The following EMILIN1 variants were observed in gnomAD, a reference collection of about 807,000 sequenced individuals.
EMILIN1 encodes the protein EMILIN-1.
A neutral mutation model predicts 82.4 loss-of-function variants in EMILIN1; 49 were observed. That is an observed-to-expected ratio of 0.59 (90% CI 0.47 to 0.75). The LOEUF (loss-of-function observed/expected upper bound fraction) is 0.75, where lower values mean the gene tolerates loss of function less well. Among genes scored for constraint, EMILIN1 ranks in the 30% least tolerant of loss-of-function variants. EMILIN1 has a pLI of 0.00. For missense variants in EMILIN1, 1,313 were observed against 1,366.4 expected, an observed-to-expected ratio of 0.96 and a Z score of 0.62; for synonymous variants, 604 against 602.2, an observed-to-expected ratio of 1.00 and a Z score of -0.04.
At position 27,080,941 on chromosome 2, in the gene EMILIN1, TG is replaced by T; in HGVS notation, c.506del (p.Gly169GlufsTer20). 2 of 1,588,828 alleles carry T rather than the reference TG, an allele frequency of 1.3e-6. No homozygotes were observed. The highest frequency in any genetic ancestry group is 1.8e-5 in the Admixed American group (1 of 56,378). On this transcript the variant is annotated frameshift_variant, in exon 3 of 8. Transcript: ENST00000380320. LOFTEE classifies it high-confidence loss of function. ...GSSAGSPLSGLGGEGPGESEK... is the reference protein window; with the variant it reads ...GSSAGSPLSGXGGEGPGESEK... ...AGTGCAGGCAGCCCCCTCAGTGGAC[TG>T]GGGGGAGAAGGTGAGTGTGGGAGCT...
chr2:27,078,801 A>C lies in EMILIN1; in HGVS notation c.-265A>C, dbSNP rs1302253676. ...CCAGGCGCGGGAGGCCAGAGGGGGC[A>C]CAGAGAACAAACCCCCTCAGAAGTG... On this transcript the variant is annotated 5_prime_UTR_variant, in exon 1 of 8. Transcript: ENST00000380320. 2.5e-6 allele frequency: 1 copy of C among 398,752 alleles called. No homozygotes were observed. Among genetic ancestry groups the C allele is most frequent in the Non-Finnish European group, 4.5e-6 (1 of 223,848 alleles). 24.7% of individuals were successfully genotyped at this position (398,752 alleles called of 1,614,324 possible). A position where few individuals can be genotyped will look rare whatever the true frequency, so the allele number is the denominator to read the frequency against.
At position 27,083,230 on chromosome 2, in the gene EMILIN1, T is replaced by G. The variant is rs1165302472; in HGVS notation, c.1659T>G (p.Ala553=). The G allele has an allele frequency of 1.2e-6, 2 of 1,611,924 alleles. No homozygotes were observed. Among genetic ancestry groups the G allele is most frequent in the Admixed American group, 3.3e-5 (2 of 59,944 alleles). Residue 553 remains alanine, a synonymous_variant, in exon 4 of 8, where the codon GCT becomes GCG. Transcript: ENST00000380320. ...GTGTGGATGCCCAGGATGAGACAGCTGCAGAGTTCACACTACGGCTGAATC... is the reference window on the plus strand; with the variant it reads ...GTGTGGATGCCCAGGATGAGACAGCGGCAGAGTTCACACTACGGCTGAATC... ...QDRVDAQDET[A]AEFTLRLNLT... is the part of the protein sequence containing the mutation.
rs1489307913 is a variant in EMILIN1 at position 27,082,787 on chromosome 2, C to T, written c.1216C>T (p.Arg406Cys). 8 of 1,544,246 alleles carry T rather than the reference C, an allele frequency of 5.2e-6. No individual in the cohort carries two copies. The highest frequency in any genetic ancestry group is 1.4e-5 in the African/African-American group (1 of 73,738). Residue 406 changes from arginine to cysteine, a missense_variant, in exon 4 of 8, where the codon CGC becomes TGC. Transcript: ENST00000380320. ...HPPGYTSLAS[R>C]LSRLEDRFNS... ...CCCAGGCTACACCAGCTTGGCCTCC[C>T]GCCTGTCTCGCCTGGAGGACCGCTT...
chr2:27,085,400 C>T lies in EMILIN1; in HGVS notation c.2713+103C>T, dbSNP rs1458016337. On this transcript the variant is annotated intron_variant, in intron 7 of 7. Transcript: ENST00000380320. ...TTCCGACAGTGTGAATCTTCATTCT[C>T]TGATTTGGGGAGACCCCGGCTCTTT... The T allele has an allele frequency of 6.3e-6, 9 of 1,438,826 alleles. No homozygotes were observed. The Admixed American group carries it at 1.6e-4, about 25-fold the overall frequency. The allele number at this position is 1,438,826 out of a possible 1,614,324, so 89.1% of individuals were successfully genotyped here. A position where few individuals can be genotyped will look rare whatever the true frequency, so the allele number is the denominator to read the frequency against.
In EMILIN1 at chr2:27,086,351, A is replaced by G. The variant is rs998606926; in HGVS notation, c.*336A>G. ...AGGCTCCCCCGCGCGGGCGCCGCCC[A>G]CCGCCATACTAAACGATCGAGGAAT... On this transcript the variant is annotated 3_prime_UTR_variant, in exon 8 of 8. Transcript: ENST00000380320. 7.2e-5 allele frequency: 21 copies of G among 291,336 alleles called. No individual in the cohort carries two copies. Among genetic ancestry groups the G allele is most frequent in the Non-Finnish European group, 1.1e-4 (18 of 157,704 alleles). 18.0% of individuals were successfully genotyped at this position (291,336 alleles called of 1,614,324 possible). A position where few individuals can be genotyped will look rare whatever the true frequency, so the allele number is the denominator to read the frequency against.
At position 27,082,920 on chromosome 2, in the gene EMILIN1, G is replaced by T. The variant is rs371224998; in HGVS notation, c.1349G>T (p.Gly450Val). The change falls in exon 4 of 8, where the codon GGG becomes GTG. Residue 450 changes from glycine to valine, a missense_variant. Gly to Val is a moderately radical substitution (Grantham distance 109). Coordinates refer to ENST00000380320, the MANE Select transcript of EMILIN1 (RefSeq NM_007046.4). ...GCCCGGGGCCGACTAGAGCAGTTGGGGGGGCTGCTGGCCAATGTGAGCGGG... is the reference window on the plus strand; with the variant it reads ...GCCCGGGGCCGACTAGAGCAGTTGGTGGGGCTGCTGGCCAATGTGAGCGGG... The part of the protein sequence containing the change: ...PAARGRLEQL[G>V]GLLANVSGEL... The T allele has an allele frequency of 2.5e-6, 4 of 1,596,644 alleles. No individual in the cohort carries two copies. The highest frequency in any genetic ancestry group is 2.2e-5 in the East Asian group (1 of 44,712).
At position 27,083,076 on chromosome 2, in the gene EMILIN1, G is replaced by C; in HGVS notation, c.1505G>C (p.Arg502Pro). The part of the protein sequence containing the change: ...QVSEILSALE[R>P]RVLDSEGQLR... ...AGCGAGATCCTCAGTGCCTTGGAGCGCAGGGTGCTGGACAGTGAGGGGCAG... is the reference window on the plus strand; with the variant it reads ...AGCGAGATCCTCAGTGCCTTGGAGCCCAGGGTGCTGGACAGTGAGGGGCAG... Residue 502 changes from arginine to proline, a missense_variant, in exon 4 of 8, where the codon CGC (arginine) becomes CCC (proline). By Grantham distance (103) the Arg-to-Pro change is moderately radical. Coordinates refer to ENST00000380320, the MANE Select transcript of EMILIN1 (RefSeq NM_007046.4). The C allele has an allele frequency of 1.3e-6, 2 of 1,548,602 alleles. No homozygotes were observed. Among genetic ancestry groups the C allele is most frequent in the South Asian group, 1.2e-5 (1 of 80,602 alleles).
Position 27,078,766 on chromosome 2 carries a change from G to A in EMILIN1, c.-300G>A. The A allele has an allele frequency of 2.9e-6, 1 of 339,248 alleles. No homozygotes were observed. The highest frequency in any genetic ancestry group is 4.8e-5 in the East Asian group (1 of 20,904). The allele number at this position is 339,248 out of a possible 1,614,324, so 21.0% of individuals were successfully genotyped here. A position where few individuals can be genotyped will look rare whatever the true frequency, so the allele number is the denominator to read the frequency against. On this transcript the variant is annotated 5_prime_UTR_variant, in exon 1 of 8. Coordinates refer to ENST00000380320, the MANE Select transcript of EMILIN1 (RefSeq NM_007046.4). Reference sequence around the variant, plus strand: ...AACTTCTGAGACGCAGCTCCTGAGAGGGGCAGGGACCAGGCGCGGGAGGCC... The same window carrying A: ...AACTTCTGAGACGCAGCTCCTGAGAAGGGCAGGGACCAGGCGCGGGAGGCC...
intron 3 of EMILIN1, 46 bp downstream of exon 3, chr2:27,080,998 T>A (rs1451623883): frequency 7.2e-7 from 1 of 1,394,396 alleles, no homozygotes; most frequent in East Asian, 2.5e-5. Flanking sequence ...CAAATGGTGA[T>A]CCAATGCAAT....
intron 4 of EMILIN1, 34 bp downstream of exon 4, chr2:27,084,045 C>G: frequency 6.9e-7 from 1 of 1,441,278 alleles, no homozygotes; most frequent in South Asian, 1.6e-5. Flanking sequence ...GGACCCCTTT[C>G]AAGCCCCTTA....
Position 27,083,956 on chromosome 2 carries a change from C to T in EMILIN1, c.2385C>T (p.Ser795=). ...GLGRRLGALN[S]SLQLLEDRLH... ...GCAGGCGGCTGGGTGCCCTTAACAG[C>T]TCCCTGCAGCTCCTGGAGGACCGTC... Residue 795 remains serine, a synonymous_variant, in exon 4 of 8, where the codon AGC becomes AGT. Coordinates refer to ENST00000380320, the MANE Select transcript of EMILIN1 (RefSeq NM_007046.4). 3 of 1,564,828 alleles carry T rather than the reference C, an allele frequency of 1.9e-6. No individual in the cohort carries two copies. In the South Asian group the frequency reaches 3.5e-5, roughly 18 times the overall value.
Position 27,085,186 on chromosome 2 carries a change from G to A in EMILIN1, c.2602G>A (p.Val868Met). 6.2e-7 allele frequency: 1 copy of A among 1,614,176 alleles called. No individual in the cohort carries two copies. The highest frequency in any genetic ancestry group is 8.5e-7 in the Non-Finnish European group (1 of 1,180,030). The change falls in exon 7 of 8, where the codon GTG becomes ATG. Residue 868 changes from valine (V) to methionine (M), a missense_variant. Val to Met is a conservative substitution (Grantham distance 21, BLOSUM62 1). Transcript: ENST00000380320. ...QGVEGAPAAP[V>M]PQVAFSAALS... ...AGTGGAGGGGGCACCAGCAGCCCCT[G>A]TGCCCCAAGTGGCATTTTCAGCTGC...
intron 3 of EMILIN1, 92 bp downstream of exon 3, chr2:27,081,044 CG>C: frequency 2.0e-6 from 2 of 982,442 alleles, no homozygotes; most frequent in Non-Finnish European, 3.0e-6. Context: ...GGGAGTCCCC[CG>C]TGCTCTATGC....
Position 27,080,628 on chromosome 2 carries a change from A to C in EMILIN1, c.291-104A>C, listed in dbSNP as rs1468425063. Reference sequence around the variant, plus strand: ...TGGACAGTAAGAGGGACCCAGCCTGAGGGACAGGCCATGCCCACCAGCAGC... The same window carrying C: ...TGGACAGTAAGAGGGACCCAGCCTGCGGGACAGGCCATGCCCACCAGCAGC... On this transcript the variant is annotated intron_variant, in intron 2 of 7. Transcript: ENST00000380320. The C allele has an allele frequency of 6.3e-6, 6 of 950,538 alleles. No individual in the cohort carries two copies. In the South Asian group the frequency reaches 8.3e-5, roughly 13 times the overall value. The allele number at this position is 950,538 out of a possible 1,614,324, so 58.9% of individuals were successfully genotyped here.
rs747930612 is a variant in EMILIN1, at chr2:27,085,238, G to T, written c.2654G>T (p.Gly885Val). The change falls in exon 7 of 8, where the codon GGC becomes GTC. Residue 885 changes from glycine to valine, a missense_variant. By Grantham distance (109) the Gly-to-Val change is moderately radical. Coordinates refer to ENST00000380320, the MANE Select transcript of EMILIN1 (RefSeq NM_007046.4). ...AALSLPRSEP[G>V]TVPFDRVLLN... Reference sequence around the variant, plus strand: ...CTGAGTTTGCCCCGGTCTGAACCAGGCACGGTCCCCTTCGACAGAGTCCTG... The same window carrying T: ...CTGAGTTTGCCCCGGTCTGAACCAGTCACGGTCCCCTTCGACAGAGTCCTG... The T allele has an allele frequency of 6.2e-7, 1 of 1,614,128 alleles. No homozygotes were observed. The highest frequency in any genetic ancestry group is 1.7e-5 in the Admixed American group (1 of 60,030).
chr2:27,081,933 A>T, intron 3 of EMILIN1, 150 bp from the exon 4 acceptor site: 1 of 955,578 alleles, frequency 1.0e-6, no homozygotes, highest in Non-Finnish European at 1.5e-6. Flanking sequence ...GCATTCAGTG[A>T]ATGGAGTTTC....
chr2:27,084,632 G>C (rs920397566), intron 5 of EMILIN1, 101 bp downstream of exon 5: 3 of 733,024 alleles, frequency 4.1e-6, no homozygotes, highest in African/African-American at 3.5e-5. Flanking sequence ...CTCTGAACTT[G>C]ACAAGGGGAA....
chr2:27,083,654 G>C lies in EMILIN1; in HGVS notation c.2083G>C (p.Glu695Gln). Residue 695 changes from glutamate to glutamine, a missense_variant, in exon 4 of 8, where the codon GAG becomes CAG. Physicochemically the swap from Glu to Gln is conservative, Grantham distance 29. Coordinates refer to ENST00000380320, the MANE Select transcript of EMILIN1 (RefSeq NM_007046.4). Reference protein sequence around the residue: ...IISEINRLQQEATEHATESEE... With the variant: ...IISEINRLQQQATEHATESEE... The stretch of plus-strand genomic sequence containing the variant: ...TTCTGAGATTAACAGGCTGCAGCAG[G>C]AGGCCACAGAGCATGCTACAGAGAG... The C allele has an allele frequency of 6.2e-7, 1 of 1,612,638 alleles. No individual in the cohort carries two copies. Among genetic ancestry groups the C allele is most frequent in the Non-Finnish European group, 8.5e-7 (1 of 1,178,790 alleles).
intron 6 of EMILIN1, 65 bp downstream of exon 6, chr2:27,085,073 G>T (rs1261903750): frequency 6.2e-7 from 1 of 1,612,738 alleles, no homozygotes; most frequent in South Asian, 1.1e-5. Context: ...GAGGTCCTCG[G>T]GCAGCCCTGG....
Sources: allele counts gnomAD v4.1 joint callset, GRCh38; gene constraint gnomAD v4.1.1; transcripts MANE v1.5; gene names NCBI Gene and HGNC (gene_info 2026-07-23, HGNC 2026-07-21).